SCFD2: variants seen among roughly 807,000 people sequenced by gnomAD.
SCFD2 encodes sec1 family domain-containing protein 2.
SCFD2 carries 54 observed loss-of-function variants against 58.9 expected under a neutral mutation model. The observed-to-expected ratio is 0.92, with a 90% confidence interval of 0.74 to 1.15. The LOEUF is 1.15. Ranked by LOEUF, SCFD2 falls within the 50% of genes most tolerant of loss-of-function variation. SCFD2 has a pLI of 0.00. For synonymous variants in SCFD2, 321 were observed against 335.9 expected (o/e 0.96, Z 0.49); for missense variants, 805 against 836.6 (o/e 0.96, Z 0.47).
chr4:53,247,173 C>CATTTTATTTGCATTTG (rs1240331277), intron 4 of SCFD2, among the ~76,000 whole-genome samples: 1 of 152,104 alleles, frequency 6.6e-6, no homozygotes, highest in Non-Finnish European at 1.5e-5. Flanking sequence ...AATCAGTGAT[C>CATTTTATTTGCATTTG]ATTAGAGAAA....
rs116474323 is a variant in SCFD2 at position 53,309,176 on chromosome 4, T to C, written c.1135+4460A>G. Reference sequence around the variant, plus strand: ...GCACAGTACAGTACAGTGTTCAAAATAGGGGAAAAACAAGACAACATCTTT... The same window carrying C: ...GCACAGTACAGTACAGTGTTCAAAACAGGGGAAAAACAAGACAACATCTTT... On this transcript the variant is annotated intron_variant, in intron 3 of 8. Coordinates refer to ENST00000401642, the MANE Select transcript of SCFD2 (RefSeq NM_152540.4). 3.3e-3 allele frequency among the ~76,000 whole-genome samples: 496 copies of C among 151,018 alleles called. 2 individuals are homozygous for C. The highest frequency in any genetic ancestry group is 8.8e-3 in the African/African-American group (363 of 41,180).
intron 5 of SCFD2, among the ~76,000 whole-genome samples, chr4:52,991,052 G>A (rs1039863646): frequency 1.3e-5 from 2 of 152,170 alleles, no homozygotes; most frequent in African/African-American, 4.8e-5. Context: ...CAGGGAGAGG[G>A]AAGGAAGTCC....
chr4:53,142,008 C>T (rs1376418389), intron 5 of SCFD2, among the ~76,000 whole-genome samples: 1 of 152,168 alleles, frequency 6.6e-6, no homozygotes, highest in Non-Finnish European at 1.5e-5. Flanking sequence ...CAGACACACC[C>T]AAAATAATGT....
intron 5 of SCFD2, among the ~76,000 whole-genome samples, chr4:53,098,848 AT>A (rs200999513): frequency 0.015 from 2,212 of 151,930 alleles, 20 homozygotes; most frequent in Middle Eastern, 0.034. Flanking sequence ...CTATATGATT[AT>A]TTTTTTCTTA....
At chr4:53,218,202 T>C (rs1728920202) in intron 4 of SCFD2, among the ~76,000 whole-genome samples, 1 of 152,214 alleles carries the variant, frequency 6.6e-6, no homozygotes, top group Non-Finnish European at 1.5e-5. Flanking sequence ...CTTGCTAGAT[T>C]GGGGAAGTTC....
At chr4:52,907,198 A>G (rs1457252631) in intron 7 of SCFD2, among the ~76,000 whole-genome samples, 1 of 152,228 alleles carries the variant, frequency 6.6e-6, no homozygotes, top group Non-Finnish European at 1.5e-5. Flanking sequence ...GTGCTGTCCC[A>G]GAGAGATTGT....
intron 5 of SCFD2, among the ~76,000 whole-genome samples, chr4:53,090,755 C>T (rs1034860932): frequency 1.3e-5 from 2 of 152,164 alleles, no homozygotes; most frequent in African/African-American, 4.8e-5. Flanking sequence ...ATGGAGCTTA[C>T]ATTGAAAAGC....
At chr4:53,329,480 G>C (rs1227730747) in intron 2 of SCFD2, among the ~76,000 whole-genome samples, 1 of 150,834 alleles carries the variant, frequency 6.6e-6, no homozygotes, top group Non-Finnish European at 1.5e-5. Flanking sequence ...CCCCAGCAGG[G>C]GCACACTGAC....
intron 5 of SCFD2, among the ~76,000 whole-genome samples, chr4:52,922,463 C>A (rs186122895): frequency 6.6e-6 from 1 of 152,140 alleles, no homozygotes; most frequent in Admixed American, 6.5e-5. Context: ...TTGTGACTGG[C>A]TTCTTTCACT....
Position 53,066,570 on chromosome 4 carries a change from C to T in SCFD2, c.1561+78763G>A, listed in dbSNP as rs188127887. Among the ~76,000 whole-genome samples, 364 of 152,176 alleles carry T rather than the reference C, an allele frequency of 2.4e-3. 9 individuals carry two copies. The highest frequency in any genetic ancestry group is 4.7e-4 in the Non-Finnish European group (32 of 67,974). ...GGTCCAGCAGAACATTCACTTGCAC[C>T]TGTATGGGTCCTATGAGGTGTTTGG... On this transcript the variant is annotated intron_variant, in intron 5 of 8. Transcript: ENST00000401642.
intron 5 of SCFD2, among the ~76,000 whole-genome samples, chr4:53,064,108 TTTTAA>T (rs1723590054): frequency 6.6e-6 from 1 of 152,132 alleles, no homozygotes; most frequent in African/African-American, 2.4e-5. Context: ...GTTGTTTTCT[TTTTAA>T]TTTATCTTTT....
chr4:52,901,297 T>C (rs1577812033), intron 7 of SCFD2, among the ~76,000 whole-genome samples: 1 of 152,202 alleles, frequency 6.6e-6, no homozygotes, highest in South Asian at 2.1e-4. Context: ...CCCCCGGCTC[T>C]TGATCCACTT....
intron 3 of SCFD2, among the ~76,000 whole-genome samples, chr4:53,306,135 T>A (rs1732505760): frequency 6.6e-6 from 1 of 152,112 alleles, no homozygotes; most frequent in South Asian, 2.1e-4. Flanking sequence ...AGAGAAAATG[T>A]TGGGAGAGAA....
At chr4:53,191,281 G>A (rs1164898903) in intron 4 of SCFD2, among the ~76,000 whole-genome samples, 1 of 151,676 alleles carries the variant, frequency 6.6e-6, no homozygotes, top group Non-Finnish European at 1.5e-5. Context: ...CTCCAGCCTG[G>A]GCAACAGAGC....
intron 5 of SCFD2, among the ~76,000 whole-genome samples, chr4:52,965,389 C>T (rs1201037046): frequency 3.3e-5 from 5 of 152,182 alleles, no homozygotes; most frequent in Non-Finnish European, 7.3e-5. Context: ...CTAACCAATG[C>T]CCATTTCCCC....
intron 5 of SCFD2, among the ~76,000 whole-genome samples, chr4:52,987,295 G>C (rs3849652): frequency 0.86 from 131,175 of 152,248 alleles, 56,682 homozygotes; most frequent in Middle Eastern, 0.96. Context: ...GGATTACAGG[G>C]TTGAGCCACC....
intron 2 of SCFD2, among the ~76,000 whole-genome samples, chr4:53,326,573 T>A (rs574864371): frequency 1.1e-4 from 17 of 152,292 alleles, no homozygotes; most frequent in African/African-American, 3.4e-4. Flanking sequence ...ATATTCCTCT[T>A]AAAATCAGAA....
At chr4:53,237,774 A>AC (rs1274559995) in intron 4 of SCFD2, among the ~76,000 whole-genome samples, 7 of 80,384 alleles carry the variant, frequency 8.7e-5, no homozygotes, top group Admixed American at 3.4e-4. Flanking sequence ...CGGGGGGCTG[A>AC]CCCCCCCACC....
intron 5 of SCFD2, among the ~76,000 whole-genome samples, chr4:53,055,354 T>C (rs1466064443): frequency 6.6e-6 from 1 of 152,106 alleles, no homozygotes. Context: ...GCCCACATAA[T>C]GGTGGACGAC....
Sources: allele counts gnomAD v4.1 joint callset (sites outside exome capture counted in the v4.1 genomes callset), GRCh38; gene constraint gnomAD v4.1.1; transcripts MANE v1.5; gene names NCBI Gene and HGNC (gene_info 2026-07-23, HGNC 2026-07-21).